Variants in TJP1 observed in about 807,000 individuals in gnomAD.
TJP1 encodes tight junction protein 1.
In TJP1, 43 loss-of-function variants were observed where a neutral mutation model predicts 194.2. The observed-to-expected ratio is 0.22, with a 90% CI of 0.17 to 0.29. The LOEUF is 0.29. Ranked by LOEUF, TJP1 falls within the 10% of genes least tolerant of loss-of-function variation. The probability of loss-of-function intolerance (pLI) is 1.00; values close to 1 mark genes in which losing one functional copy is unlikely to be tolerated. For synonymous variants in TJP1, 801 were observed against 779.0 expected, an observed-to-expected ratio of 1.03 and a Z score of -0.47; for missense variants, 1,971 against 2,185.7, an observed-to-expected ratio of 0.90 and a Z score of 1.96.
At chr15:29,918,643 T>C (rs373388792) in intron 2 of TJP1, among the ~76,000 whole-genome samples, 3 of 151,966 alleles carry the variant, frequency 2.0e-5, no homozygotes, top group African/African-American at 7.2e-5. Context: ...GAGGCTGAGA[T>C]GGGAGGATCA....
chr15:29,862,927 C>T (rs777814276), intron 2 of TJP1, among the ~76,000 whole-genome samples: 2 of 151,228 alleles, frequency 1.3e-5, no homozygotes, highest in East Asian at 2.0e-4. Flanking sequence ...GGATTACAGG[C>T]GTGAGCCACC....
intron 1 of TJP1, among the ~76,000 whole-genome samples, chr15:29,815,953 T>A (rs1339102624): frequency 1.3e-5 from 2 of 152,042 alleles, no homozygotes; most frequent in Non-Finnish European, 2.9e-5. Context: ...GTACTACATA[T>A]ACTGCGTTAC....
intron 6 of TJP1, 80 bp from the exon 7 acceptor site, chr15:29,761,849 T>C (rs1168162203): frequency 7.5e-7 from 1 of 1,326,884 alleles, no homozygotes; most frequent in Non-Finnish European, 9.9e-7. Context: ...AACAGAAATA[T>C]CCAAACCACT....
At chr15:29,710,680 T>G in intron 24 of TJP1, 151 bp downstream of exon 24, 2 of 921,190 alleles carry the variant, frequency 2.2e-6, no homozygotes, top group African/African-American at 3.3e-5. Flanking sequence ...ACAGGAGACA[T>G]ACTTTTAACA....
upstream of TJP1, chr15:29,822,475 CT>C: frequency 8.1e-6 from 8 of 985,306 alleles, no homozygotes; most frequent in Non-Finnish European, 9.6e-6. Context: ...CCACGCAAAC[CT>C]GCCGGCCCGG....
chr15:29,738,082 T>A (rs1294011148), intron 10 of TJP1, among the ~76,000 whole-genome samples: 2 of 152,084 alleles, frequency 1.3e-5, no homozygotes, highest in Non-Finnish European at 2.9e-5. Flanking sequence ...AAATAATGCA[T>A]ACACACCCAC....
chr15:29,720,501 T>C lies in TJP1; in HGVS notation c.2620A>G (p.Ile874Val), dbSNP rs1290535168. ...DEVGTPPESA[I>V]TRSSEPVRED... Reference sequence around the variant, plus strand: ...CTTACAGGCTCAGAGGACCGTGTAATGGCAGACTCCGGTGGAGTCCCAACC... The same window carrying C: ...CTTACAGGCTCAGAGGACCGTGTAACGGCAGACTCCGGTGGAGTCCCAACC... Residue 874 changes from isoleucine to valine, a missense_variant, in exon 19 of 28, where the codon ATT becomes GTT. Physicochemically the swap from Ile to Val is conservative, Grantham distance 29. This residue lies in a region of TJP1 where 1,108 missense variants were observed against 1,128.5 expected (regional missense o/e 0.98). Transcript: ENST00000614355. The C allele has an allele frequency of 1.2e-6, 2 of 1,614,058 alleles. No homozygotes were observed. Among genetic ancestry groups the C allele is most frequent in the Non-Finnish European group, 1.7e-6 (2 of 1,180,040 alleles).
intron 2 of TJP1, among the ~76,000 whole-genome samples, chr15:29,845,503 A>G (rs965101931): frequency 1.3e-5 from 2 of 152,192 alleles, no homozygotes; most frequent in Non-Finnish European, 1.5e-5. Context: ...ACAAATGTCA[A>G]TTTACAAAAT....
chr15:29,906,762 T>C (rs1418828870), intron 2 of TJP1, among the ~76,000 whole-genome samples: 3 of 151,618 alleles, frequency 2.0e-5, no homozygotes. Context: ...GTATTTTTAG[T>C]AGCGATGGGG....
intron 2 of TJP1, among the ~76,000 whole-genome samples, chr15:29,791,178 C>T (rs879302915): frequency 6.6e-6 from 1 of 151,638 alleles, no homozygotes; most frequent in Non-Finnish European, 1.5e-5. Context: ...AGGTGCACAC[C>T]ACCACATTTG....
At chr15:29,849,440 T>TAA (rs79680348) in intron 2 of TJP1, among the ~76,000 whole-genome samples, 3 of 138,514 alleles carry the variant, frequency 2.2e-5, no homozygotes, top group Non-Finnish European at 3.1e-5. Flanking sequence ...AAATTTTATT[T>TAA]AAAAAAAAAA....
chr15:29,837,349 G>A (rs1182993701), intron 2 of TJP1, among the ~76,000 whole-genome samples: 4 of 152,010 alleles, frequency 2.6e-5, no homozygotes, highest in Non-Finnish European at 5.9e-5. Context: ...ACCTGAGGTC[G>A]GGACTTCAAG....
chr15:29,822,516 C>T (rs933390808), upstream of TJP1: 2 of 978,556 alleles, frequency 2.0e-6, no homozygotes, highest in African/African-American at 1.8e-5. Flanking sequence ...CCGGCGGGGG[C>T]GGGGCTGGAC....
intron 2 of TJP1, among the ~76,000 whole-genome samples, chr15:29,797,766 G>A (rs1215762832): frequency 6.6e-6 from 1 of 151,944 alleles, no homozygotes; most frequent in East Asian, 1.9e-4. Flanking sequence ...AAGCAACATA[G>A]AGCTTAAAAA....
chr15:29,820,107 T>G (rs1288058118), intron 1 of TJP1, among the ~76,000 whole-genome samples: 2 of 151,006 alleles, frequency 1.3e-5, no homozygotes, highest in Non-Finnish European at 2.9e-5. Flanking sequence ...GACAAGAGTT[T>G]CCCAAACTAT....
intron 11 of TJP1, among the ~76,000 whole-genome samples, chr15:29,734,617 G>A (rs1595688424): frequency 6.6e-6 from 1 of 151,764 alleles, no homozygotes. Context: ...CCGAGTAGCT[G>A]GGATTGCAGG....
At chr15:29,884,743 C>T (rs1008174770) in intron 2 of TJP1, among the ~76,000 whole-genome samples, 2 of 152,116 alleles carry the variant, frequency 1.3e-5, no homozygotes, top group Non-Finnish European at 1.5e-5. Context: ...TACAACTGAG[C>T]GGAGATGAGA....
intron 2 of TJP1, among the ~76,000 whole-genome samples, chr15:29,842,446 TC>T (rs57099675): frequency 1 from 152,143 of 152,144 alleles, 76,071 homozygotes; most frequent in Non-Finnish European, 1. Context: ...CAGTATGCCA[TC>T]CCCCACCGCA....
rs1373823785 is a variant in TJP1, at chr15:29,791,791, CCTGT to C, written c.84+8851_84+8854del. ...GCCTGCTCACTAGCATTTGTTATTG[CCTGT>C]CTTTTTGATAAAAGCCATTTTAACT... On this transcript the variant is annotated intron_variant, in intron 2 of 27. Coordinates refer to ENST00000614355, the MANE Select transcript of TJP1 (RefSeq NM_001330239.4). Among the ~76,000 whole-genome samples the C allele has an allele frequency of 5.3e-5, 8 of 152,170 alleles. 1 individual carries two copies. Among genetic ancestry groups the C allele is most frequent in the Admixed American group, 6.6e-5 (1 of 15,258 alleles).
Sources: allele counts gnomAD v4.1 joint callset (sites outside exome capture counted in the v4.1 genomes callset), GRCh38; gene constraint gnomAD v4.1.1; regional missense constraint gnomAD v4.1.1; transcripts MANE v1.5; gene names NCBI Gene and HGNC (gene_info 2026-07-23, HGNC 2026-07-21).